MMP17: variants seen among roughly 807,000 people sequenced by gnomAD.
MMP17 encodes the protein matrix metallopeptidase 17, also known as matrix metalloproteinase-17.
In MMP17, 54 loss-of-function variants were observed where a neutral mutation model predicts 49.1. That is an observed-to-expected ratio of 1.10 (90% CI 0.88 to 1.38). MMP17 has a LOEUF of 1.38. Among genes scored for constraint, MMP17 ranks in the 40% most tolerant of loss-of-function variants. The probability of loss-of-function intolerance (pLI) is 0.00; values close to 1 mark genes in which losing one functional copy is unlikely to be tolerated. For missense variants in MMP17, 837 were observed against 853.7 expected, an observed-to-expected ratio of 0.98 and a Z score of 0.24; for synonymous variants, 397 against 383.1, an observed-to-expected ratio of 1.04 and a Z score of -0.42.
At position 131,842,409 on chromosome 12, in the gene MMP17, C is replaced by G. The variant is rs559736330; in HGVS notation, c.883+609C>G. ...GCCCGGACCCTCCCGGCCTCAGCATCGTCCTTGCCGCTTCACATGCTCTGA... is the reference window on the plus strand; with the variant it reads ...GCCCGGACCCTCCCGGCCTCAGCATGGTCCTTGCCGCTTCACATGCTCTGA... On this transcript the variant is annotated intron_variant, in intron 5 of 9. Transcript: ENST00000360564. 9.2e-5 allele frequency among the ~76,000 whole-genome samples: 14 copies of G among 152,342 alleles called. No homozygotes were observed. The South Asian group carries it at 2.9e-3, about 32-fold the overall frequency.
At chr12:131,840,946 TGCGGCTGAAAACACAC>T in intron 4 of MMP17, 90 bp downstream of exon 4, 1 of 1,410,840 alleles carries the variant, frequency 7.1e-7, no homozygotes, top group Non-Finnish European at 9.4e-7. Flanking sequence ...TCCCCAACCC[TGCGGCTGAAAACACAC>T]GCGGCTGCTC....
intron 5 of MMP17, among the ~76,000 whole-genome samples, chr12:131,842,784 G>C (rs12820000): frequency 1.1e-4 from 17 of 150,912 alleles, no homozygotes; most frequent in African/African-American, 3.6e-4. Flanking sequence ...AAAAAAAAAA[G>C]AAAGAAATTC....
intron 1 of MMP17, among the ~76,000 whole-genome samples, chr12:131,834,187 C>T (rs112662449): frequency 9.8e-5 from 15 of 152,294 alleles, no homozygotes; most frequent in African/African-American, 2.9e-4. Context: ...GGAGAGCGGC[C>T]GCCTCTCCTA....
rs1184452181 is a variant in MMP17 at position 131,838,718 on chromosome 12, G to A, written c.399G>A (p.Trp133Ter). The A allele has an allele frequency of 1.3e-6, 2 of 1,590,626 alleles. No individual in the cohort carries two copies. Among genetic ancestry groups the A allele is most frequent in the South Asian group, 2.3e-5 (2 of 87,914 alleles). The change falls in exon 3 of 10, where the codon TGG becomes TGA. Residue 133 changes from tryptophan to a stop codon, truncating the protein, a stop_gained. Coordinates refer to ENST00000360564, the MANE Select transcript of MMP17 (RefSeq NM_016155.7). LOFTEE classifies it high-confidence loss of function. ...RRRQAPAPTK[W>*]NKRNLSWRVR... ...GCCAGGCTCCAGCCCCCACCAAGTG[G>A]AACAAGAGGAACCTGTCGTGGAGGT...
At chr12:131,845,832 G>A (rs923773731) in intron 8 of MMP17, among the ~76,000 whole-genome samples, 7 of 152,110 alleles carry the variant, frequency 4.6e-5, no homozygotes, top group Admixed American at 3.9e-4. Context: ...GTTCCAGCCC[G>A]GGGAACGGCC....
intron 9 of MMP17, 148 bp from the exon 10 acceptor site, chr12:131,850,777 A>C: frequency 2.5e-5 from 7 of 277,418 alleles, no homozygotes; most frequent in East Asian, 9.4e-5. Context: ...CCCCCACTGC[A>C]GTCTTGTGCA....
chr12:131,832,822 ACT>A (rs1015357358), intron 1 of MMP17, among the ~76,000 whole-genome samples: 1 of 151,672 alleles, frequency 6.6e-6, no homozygotes, highest in Non-Finnish European at 1.5e-5. Flanking sequence ...CCGCCCCCTG[ACT>A]CTGTCACACC....
Position 131,845,324 on chromosome 12 carries a change from A to C in MMP17, c.1079A>C (p.Asp360Ala), listed in dbSNP as rs763968267. ...AAGTACTTCTGGCGGCTGACGCGGG[A>C]CCGGCACCTGGTGTCCCTGCAGCCG... Reference protein sequence around the residue: ...KGKYFWRLTRDRHLVSLQPAQ... With the variant: ...KGKYFWRLTRARHLVSLQPAQ... The change falls in exon 8 of 10, where the codon GAC becomes GCC. Residue 360 changes from aspartate (D) to alanine (A), a missense_variant. Asp to Ala is a moderately radical substitution (Grantham distance 126). Coordinates refer to ENST00000360564, the MANE Select transcript of MMP17 (RefSeq NM_016155.7). 3.6e-5 allele frequency: 58 copies of C among 1,605,826 alleles called. No homozygotes were observed. The highest frequency in any genetic ancestry group is 7.7e-5 in the South Asian group (7 of 90,878).
At chr12:131,836,836 A>C (rs116833556) in intron 1 of MMP17, among the ~76,000 whole-genome samples, 4 of 152,160 alleles carry the variant, frequency 2.6e-5, no homozygotes, top group South Asian at 2.1e-4. Flanking sequence ...AAGTGGGCAC[A>C]GGCGCCATTT....
chr12:131,850,791 C>T (rs1370243037), intron 9 of MMP17, 134 bp from the exon 10 acceptor site: 11 of 581,084 alleles, frequency 1.9e-5, no homozygotes, highest in Non-Finnish European at 2.7e-5. Context: ...TTGTGCAAGC[C>T]CCCTGCTGTC....
At chr12:131,833,338 T>C (rs1199143746) in intron 1 of MMP17, among the ~76,000 whole-genome samples, 1 of 152,186 alleles carries the variant, frequency 6.6e-6, no homozygotes, top group East Asian at 1.9e-4. Context: ...CTGAGACGCG[T>C]GTATGTGTTC....
intron 1 of MMP17, among the ~76,000 whole-genome samples, chr12:131,834,542 T>A (rs1337278655): frequency 1.3e-5 from 2 of 151,954 alleles, no homozygotes; most frequent in Non-Finnish European, 2.9e-5. Flanking sequence ...GGGGGACACC[T>A]GGAGCGGGGA....
In MMP17 at chr12:131,848,569, CGCCCCGCCCCTGGGCA is replaced by C. The variant is rs1275147648; in HGVS notation, c.1205-1221_1205-1206del. Among the ~76,000 whole-genome samples the C allele has an allele frequency of 2.2e-3, 333 of 152,258 alleles. 6 individuals are homozygous for C. Among genetic ancestry groups the C allele is most frequent in the Admixed American group, 0.019 (286 of 15,294 alleles). On this transcript the variant is annotated intron_variant, in intron 8 of 9. Transcript: ENST00000360564. ...GCTGCCCCGTGAAACACGGATGCCCCGCCCCGCCCCTGGGCAGCCCCGCCCCTCCCCTGGGCACCCC... is the reference window on the plus strand; with the variant it reads ...GCTGCCCCGTGAAACACGGATGCCCCGCCCCGCCCCTCCCCTGGGCACCCC...
intron 1 of MMP17, among the ~76,000 whole-genome samples, chr12:131,830,854 A>C (rs1190336446): frequency 1.3e-5 from 2 of 152,010 alleles, no homozygotes; most frequent in Admixed American, 6.5e-5. Context: ...CGGCGGGGAC[A>C]AAAGAGCGCA....
At chr12:131,835,221 C>G (rs896665638) in intron 1 of MMP17, among the ~76,000 whole-genome samples, 3 of 152,262 alleles carry the variant, frequency 2.0e-5, no homozygotes, top group Non-Finnish European at 4.4e-5. Flanking sequence ...CCCACCACCC[C>G]CCAAGATTCG....
At position 131,845,234 on chromosome 12, in the gene MMP17, G is replaced by A. The variant is rs370804342; in HGVS notation, c.1051+34G>A. ...AGGGTTCCCGTGGCGGTTGGCTGAGGGCCATGGCCCACTCTGGGTGCAGAC... is the reference window on the plus strand; with the variant it reads ...AGGGTTCCCGTGGCGGTTGGCTGAGAGCCATGGCCCACTCTGGGTGCAGAC... On this transcript the variant is annotated intron_variant, in intron 7 of 9. Coordinates refer to ENST00000360564, the MANE Select transcript of MMP17 (RefSeq NM_016155.7). 8.4e-5 allele frequency: 135 copies of A among 1,613,956 alleles called. No individual in the cohort carries two copies. The African/African-American group carries it at 1.7e-3, about 21-fold the overall frequency.
chr12:131,841,493 A>C, intron 4 of MMP17, 131 bp from the exon 5 acceptor site: 1 of 943,500 alleles, frequency 1.1e-6, no homozygotes, highest in Non-Finnish European at 1.6e-6. Flanking sequence ...AACCCTGCAG[A>C]ATCCCTCTGG....
intron 8 of MMP17, among the ~76,000 whole-genome samples, chr12:131,849,432 G>C (rs753310247): frequency 1.3e-5 from 2 of 152,168 alleles, no homozygotes; most frequent in Non-Finnish European, 2.9e-5. Context: ...GCAGTGAACC[G>C]AGATCAAGTC....
chr12:131,845,575 G>A, intron 8 of MMP17, 126 bp downstream of exon 8: 2 of 1,292,990 alleles, frequency 1.5e-6, no homozygotes, highest in Non-Finnish European at 2.1e-6. Flanking sequence ...GCACAGAGCA[G>A]CTGGTTTGCT....
Sources: allele counts gnomAD v4.1 joint callset (sites outside exome capture counted in the v4.1 genomes callset), GRCh38; gene constraint gnomAD v4.1.1; transcripts MANE v1.5; gene names NCBI Gene and HGNC (gene_info 2026-07-23, HGNC 2026-07-21).